Variants in TTBK2 observed in about 807,000 individuals in gnomAD.
The protein encoded by TTBK2 is tau-tubulin kinase 2.
TTBK2 carries 28 observed loss-of-function variants against 110.8 expected under a neutral mutation model. The observed-to-expected ratio is 0.25, with a 90% CI of 0.19 to 0.35. The LOEUF is 0.35. Ranked by LOEUF, TTBK2 falls within the 10% of genes least tolerant of loss-of-function variation. The pLI, the probability that TTBK2 is intolerant of heterozygous loss-of-function variation, is 1.00. For synonymous variants in TTBK2, 532 were observed against 527.3 expected (o/e 1.01, Z -0.12); for missense variants, 1,369 against 1,500.3 (o/e 0.91, Z 1.45).
chr15:42,854,445 A>G (rs1217005787), intron 3 of TTBK2, among the ~76,000 whole-genome samples: 1 of 152,210 alleles, frequency 6.6e-6, no homozygotes, highest in Admixed American at 6.5e-5. Flanking sequence ...ATGTAACGTA[A>G]TTCAGTCCTT....
intron 4 of TTBK2, among the ~76,000 whole-genome samples, chr15:42,838,208 AAAAATAAAAT>A (rs147460434): frequency 6.6e-6 from 1 of 151,136 alleles, no homozygotes; most frequent in Non-Finnish European, 1.5e-5. Flanking sequence ...CTCTGTCTCA[AAAAATAAAAT>A]AAAATAAAAT....
intron 13 of TTBK2, among the ~76,000 whole-genome samples, chr15:42,756,251 T>A (rs1055804793): frequency 6.6e-6 from 1 of 151,812 alleles, no homozygotes; most frequent in African/African-American, 2.4e-5. Flanking sequence ...TACATGTAAT[T>A]CTAAGTACAT....
intron 11 of TTBK2, among the ~76,000 whole-genome samples, chr15:42,782,563 T>G (rs1402630865): frequency 6.6e-6 from 1 of 152,248 alleles, no homozygotes; most frequent in Non-Finnish European, 1.5e-5. Flanking sequence ...AGGTAAAAGA[T>G]GTATCTTAAA....
At chr15:42,902,022 C>T (rs988684541) in intron 1 of TTBK2, among the ~76,000 whole-genome samples, 1 of 151,876 alleles carries the variant, frequency 6.6e-6, no homozygotes, top group Non-Finnish European at 1.5e-5. Flanking sequence ...TCGAGACCAT[C>T]CTGGCCAACA....
At position 42,739,722 on chromosome 15, in the gene TTBK2, G is replaced by C. The variant is rs2061739016; in HGVS notation, c.*6073C>G. ...CTTTGGCTGATGAACAGTTCAAATAGAAGATTGTTTTGGAAAAAGTCCCAA... is the reference window on the plus strand; with the variant it reads ...CTTTGGCTGATGAACAGTTCAAATACAAGATTGTTTTGGAAAAAGTCCCAA... On this transcript the variant is annotated 3_prime_UTR_variant, in exon 15 of 15. Coordinates refer to ENST00000267890, the MANE Select transcript of TTBK2 (RefSeq NM_173500.4). 6.6e-6 allele frequency: 1 copy of C among 152,226 alleles called. No individual in the cohort carries two copies. Among genetic ancestry groups the C allele is most frequent in the African/African-American group, 2.4e-5 (1 of 41,470 alleles). The allele number at this position is 152,226 out of a possible 1,614,324, so 9.4% of individuals were successfully genotyped here.
intron 4 of TTBK2, among the ~76,000 whole-genome samples, chr15:42,835,677 G>T (rs1471252460): frequency 4.6e-5 from 7 of 151,990 alleles, no homozygotes; most frequent in Non-Finnish European, 1.0e-4. Flanking sequence ...TGAAACTGAA[G>T]ATTGGTTTGA....
chr15:42,828,386 CA>C (rs763629302), intron 5 of TTBK2, among the ~76,000 whole-genome samples: 332 of 119,216 alleles, frequency 2.8e-3, no homozygotes, highest in Middle Eastern at 4.0e-3. Context: ...AGAGATGGAC[CA>C]AAAAAAAAAA....
intron 6 of TTBK2, among the ~76,000 whole-genome samples, chr15:42,826,086 T>C (rs1475455705): frequency 6.6e-6 from 1 of 152,164 alleles, no homozygotes; most frequent in African/African-American, 2.4e-5. Flanking sequence ...CATGACGGTA[T>C]ACTTAGACAG....
chr15:42,819,084 T>A (rs1199297885), intron 6 of TTBK2, among the ~76,000 whole-genome samples: 1 of 151,444 alleles, frequency 6.6e-6, no homozygotes, highest in Non-Finnish European at 1.5e-5. Flanking sequence ...TTCATTAGTA[T>A]AATTTTTGGG....
chr15:42,893,438 A>G (rs1223835068), intron 1 of TTBK2, among the ~76,000 whole-genome samples: 1 of 152,022 alleles, frequency 6.6e-6, no homozygotes, highest in East Asian at 1.9e-4. Flanking sequence ...TGAGGCTCCA[A>G]TGAGGTATGA....
chr15:42,788,483 G>A (rs1037629699), intron 10 of TTBK2, among the ~76,000 whole-genome samples: 6 of 152,076 alleles, frequency 3.9e-5, no homozygotes, highest in Non-Finnish European at 8.8e-5. Context: ...AACTGAGGGT[G>A]GTACATTAAC....
intron 13 of TTBK2, among the ~76,000 whole-genome samples, chr15:42,760,059 T>C (rs186784424): frequency 6.6e-6 from 1 of 151,908 alleles, no homozygotes; most frequent in Non-Finnish European, 1.5e-5. Context: ...GAAATAGATA[T>C]CATAAAAAAG....
At chr15:42,784,202 C>A (rs1462179217) in intron 10 of TTBK2, among the ~76,000 whole-genome samples, 1 of 152,056 alleles carries the variant, frequency 6.6e-6, no homozygotes, top group Non-Finnish European at 1.5e-5. Flanking sequence ...AACAATAACA[C>A]CCTAATTTGA....
At chr15:42,779,502 C>A (rs1890089552) in intron 11 of TTBK2, among the ~76,000 whole-genome samples, 1 of 151,168 alleles carries the variant, frequency 6.6e-6, no homozygotes, top group South Asian at 2.1e-4. Context: ...AAACTAAGTA[C>A]ATTTATAGAT....
chr15:42,872,669 T>A lies in TTBK2; in HGVS notation c.159A>T (p.Ser53=). 6.2e-7 allele frequency: 1 copy of A among 1,614,186 alleles called. No homozygotes were observed. Among genetic ancestry groups the A allele is most frequent in the Non-Finnish European group, 8.5e-7 (1 of 1,180,036 alleles). The change falls in exon 3 of 15, where the codon TCA becomes TCT. Residue 53 remains serine (S), a synonymous_variant. Transcript: ENST00000267890. ...TCAGAACTTGTTTTGGTTGTTGAGC[T>A]GATTCCACCTTCAGTGCAACATTTT... ...TRENVALKVE[S]AQQPKQVLKM...
chr15:42,748,463 A>C (rs1199750390), intron 14 of TTBK2, among the ~76,000 whole-genome samples: 3 of 150,748 alleles, frequency 2.0e-5, no homozygotes, highest in Non-Finnish European at 4.4e-5. Flanking sequence ...TCTCAAAAGA[A>C]AAAAAAAAAA....
At chr15:42,878,722 G>C in intron 1 of TTBK2, 38 bp from the exon 2 acceptor site, 2 of 1,593,970 alleles carry the variant, frequency 1.3e-6, no homozygotes, top group East Asian at 2.3e-5. Flanking sequence ...GCAGTATTTA[G>C]GGTTAACTAA....
intron 5 of TTBK2, among the ~76,000 whole-genome samples, chr15:42,828,722 CAA>C (rs1223349148): frequency 2.2e-4 from 11 of 50,620 alleles, no homozygotes; most frequent in Admixed American, 4.2e-4. Context: ...GACTCTGTCA[CAA>C]AAAAAAAAAA....
chr15:42,909,705 C>G (rs1291650171), intron 1 of TTBK2, among the ~76,000 whole-genome samples: 1 of 152,030 alleles, frequency 6.6e-6, no homozygotes, highest in Non-Finnish European at 1.5e-5. Flanking sequence ...AAAAATTAAG[C>G]AAGACAAAAT....
Sources: gnomAD v4.1 joint callset for allele counts (sites outside exome capture counted in the v4.1 genomes callset) on GRCh38, gnomAD v4.1.1 for gene constraint, MANE v1.5 for transcripts, NCBI Gene and HGNC (gene_info 2026-07-23, HGNC 2026-07-21) for gene names.